DLG2: variants seen among roughly 807,000 people sequenced by gnomAD.
DLG2 encodes disks large homolog 2.
In DLG2, 45 loss-of-function variants were observed where a neutral mutation model predicts 132.5. That is an observed-to-expected ratio of 0.34 (90% CI 0.27 to 0.44). DLG2 has a LOEUF of 0.44. DLG2 is among the 20% of genes least tolerant of loss of function. The probability of loss-of-function intolerance (pLI) is 1.00; values close to 1 mark genes in which losing one functional copy is unlikely to be tolerated. For missense variants in DLG2, 1,045 were observed against 1,196.9 expected (o/e 0.87, Z 1.87); for synonymous variants, 424 against 419.6 (o/e 1.01, Z -0.13).
At chr11:83,871,637 T>TACTCA (rs2063461221) in intron 16 of DLG2, among the ~76,000 whole-genome samples, 1 of 19,312 alleles carries the variant, frequency 5.2e-5, no homozygotes, top group African/African-American at 2.4e-4. Flanking sequence ...TCCCACTATG[T>TACTCA]GCACGTTATC....
chr11:84,320,770 G>C lies in DLG2; in HGVS notation c.520-69479C>G, dbSNP rs148691299. 4.7e-3 allele frequency among the ~76,000 whole-genome samples: 723 copies of C among 152,260 alleles called. 11 individuals are homozygous for C. The highest frequency in any genetic ancestry group is 0.016 in the African/African-American group (671 of 41,552). ...ATGCAAAGATTTAACCAAAACAGAG[G>C]ATTTAATAGAAGGTAGAAAAAACTT... On this transcript the variant is annotated intron_variant, in intron 7 of 27. Coordinates refer to ENST00000376104, the MANE Select transcript of DLG2 (RefSeq NM_001142699.3).
At chr11:85,073,286 G>A (rs1397252114) in intron 6 of DLG2, among the ~76,000 whole-genome samples, 1 of 151,798 alleles carries the variant, frequency 6.6e-6, no homozygotes, top group Non-Finnish European at 1.5e-5. Flanking sequence ...TCTCCTCTGT[G>A]ATGGTGAAAA....
intron 4 of DLG2, among the ~76,000 whole-genome samples, chr11:85,253,549 C>G (rs1438138521): frequency 6.6e-6 from 1 of 152,110 alleles, no homozygotes; most frequent in East Asian, 1.9e-4. Flanking sequence ...ACCAGCCCAG[C>G]AGCAGTATCT....
chr11:84,856,283 G>A (rs1466138863), intron 6 of DLG2, among the ~76,000 whole-genome samples: 1 of 152,068 alleles, frequency 6.6e-6, no homozygotes, highest in Non-Finnish European at 1.5e-5. Context: ...ACTGAGGGCT[G>A]CAAAAAGTCA....
At chr11:85,469,476 T>C (rs1268348505) in intron 3 of DLG2, 2 of 152,212 alleles carry the variant, frequency 1.3e-5, no homozygotes, top group Non-Finnish European at 2.9e-5. Context: ...AGCCATTGGA[T>C]TGTAGGGCTT....
chr11:83,469,232 C>G lies in DLG2; in HGVS notation c.2588G>C (p.Ser863Thr). ...TGCTACAAATCTCACAGACTGCACACTGGTTCCATATAAATTGTCATTGTA... is the reference window on the plus strand; with the variant it reads ...TGCTACAAATCTCACAGACTGCACAGTGGTTCCATATAAATTGTCATTGTA... ...GQYNDNLYGT[S>T]VQSVRFVAER... Residue 863 changes from serine to threonine, a missense_variant, in exon 25 of 28, where the codon AGT becomes ACT. Ser to Thr is a moderately conservative substitution (Grantham distance 58). Around this residue, in one of 4 missense-constraint regions of DLG2, gnomAD observed 398 missense variants for 543.6 expected, o/e 0.73. Transcript: ENST00000376104. The G allele has an allele frequency of 6.2e-7, 1 of 1,613,042 alleles. No homozygotes were observed. Among genetic ancestry groups the G allele is most frequent in the South Asian group, 1.1e-5 (1 of 90,908 alleles).
At chr11:85,111,071 T>C (rs1425587974) in intron 6 of DLG2, among the ~76,000 whole-genome samples, 1 of 152,118 alleles carries the variant, frequency 6.6e-6, no homozygotes, top group Non-Finnish European at 1.5e-5. Flanking sequence ...AGAAGTAGGA[T>C]GTCTGGGATC....
intron 18 of DLG2, among the ~76,000 whole-genome samples, chr11:83,716,228 A>G (rs1435190092): frequency 3.3e-5 from 5 of 152,184 alleles, no homozygotes; most frequent in Admixed American, 6.5e-5. Flanking sequence ...TTTCCGCAGA[A>G]GAAAACCACA....
chr11:84,726,219 T>A (rs1290252161), intron 6 of DLG2, among the ~76,000 whole-genome samples: 1 of 152,082 alleles, frequency 6.6e-6, no homozygotes, highest in Non-Finnish European at 1.5e-5. Context: ...GCAACCATCA[T>A]CCCGTCTCCT....
At chr11:85,172,929 A>G (rs562033653) in intron 4 of DLG2, among the ~76,000 whole-genome samples, 24 of 152,326 alleles carry the variant, frequency 1.6e-4, no homozygotes, top group African/African-American at 5.5e-4. Context: ...AGAGTAAAGA[A>G]TGAAAATGAA....
intron 15 of DLG2, among the ~76,000 whole-genome samples, chr11:83,910,757 C>G (rs2075890800): frequency 6.6e-6 from 1 of 152,168 alleles, no homozygotes; most frequent in East Asian, 1.9e-4. Flanking sequence ...GGTTTTCATA[C>G]AGGTACTTTG....
chr11:83,469,464 ATATGTAGAAATATGTAG>A, intron 24 of DLG2, 91 bp from the exon 25 acceptor site: 1 of 878,788 alleles, frequency 1.1e-6, no homozygotes, highest in Non-Finnish European at 1.7e-6. Context: ...CTCAACATTG[ATATGTAGAAATATGTAG>A]TATGAAGAAA....
At chr11:84,053,511 C>G (rs1354441212) in intron 11 of DLG2, among the ~76,000 whole-genome samples, 1 of 151,612 alleles carries the variant, frequency 6.6e-6, no homozygotes, top group East Asian at 1.9e-4. Context: ...TCCTTTAGTC[C>G]CTTAGTATTA....
chr11:85,271,872 C>CT (rs1280357243), intron 4 of DLG2, among the ~76,000 whole-genome samples: 1 of 152,146 alleles, frequency 6.6e-6, no homozygotes. Context: ...AGGGACTTGC[C>CT]TTGTCTCAGA....
intron 6 of DLG2, among the ~76,000 whole-genome samples, chr11:84,583,138 A>T (rs914482489): frequency 2.0e-5 from 3 of 152,234 alleles, no homozygotes; most frequent in Non-Finnish European, 4.4e-5. Context: ...AGATCCTATC[A>T]ATGACAGTTC....
intron 19 of DLG2, among the ~76,000 whole-genome samples, chr11:83,559,537 G>A (rs1006240088): frequency 2.6e-5 from 4 of 152,152 alleles, no homozygotes; most frequent in Non-Finnish European, 4.4e-5. Context: ...ACAGATTTAA[G>A]TTATTGGTCC....
intron 6 of DLG2, among the ~76,000 whole-genome samples, chr11:84,732,010 GA>G (rs2063213953): frequency 6.6e-6 from 1 of 151,914 alleles, no homozygotes; most frequent in African/African-American, 2.4e-5. Context: ...GCATTTTCAA[GA>G]GGTTTATATA....
chr11:83,937,378 G>C (rs915862026), intron 14 of DLG2, among the ~76,000 whole-genome samples: 1 of 151,750 alleles, frequency 6.6e-6, no homozygotes, highest in Non-Finnish European at 1.5e-5. Context: ...TTGGTGGCGG[G>C]TGCCTGTAGT....
At chr11:85,170,736 T>C (rs1044565645) in intron 4 of DLG2, among the ~76,000 whole-genome samples, 5 of 152,148 alleles carry the variant, frequency 3.3e-5, no homozygotes, top group African/African-American at 1.2e-4. Flanking sequence ...TTTGAGAAAG[T>C]AGGAAAATGC....
Sources: gnomAD v4.1 joint callset for allele counts (sites outside exome capture counted in the v4.1 genomes callset) on GRCh38, gnomAD v4.1.1 for gene constraint, gnomAD v4.1.1 regional missense constraint, MANE v1.5 for transcripts, NCBI Gene and HGNC (gene_info 2026-07-23, HGNC 2026-07-21) for gene names.